Variants in HTT observed in about 807,000 individuals in gnomAD.
HTT encodes the protein huntingtin.
HTT carries 104 observed loss-of-function variants against 362.3 expected under a neutral mutation model. The ratio of observed to expected loss-of-function variants is 0.29; its 90% CI spans 0.24 to 0.34. HTT has a LOEUF of 0.34. Among genes scored for constraint, HTT ranks in the 10% least tolerant of loss-of-function variants. HTT has a pLI of 1.00. For synonymous variants in HTT, 1,577 were observed against 1,548.7 expected, an observed-to-expected ratio of 1.02 and a Z score of -0.43; for missense variants, 3,301 against 3,928.6, an observed-to-expected ratio of 0.84 and a Z score of 4.27.
chr4:3,117,484 A>G (rs1715086980), intron 8 of HTT, among the ~76,000 whole-genome samples: 1 of 152,046 alleles, frequency 6.6e-6, no homozygotes, highest in Non-Finnish European at 1.5e-5. Flanking sequence ...CTCTTATTTC[A>G]TCTATAAGTA....
chr4:3,217,826 G>A lies in HTT; in HGVS notation c.7116G>A (p.Ser2372=), dbSNP rs377176195. ...MVAEMVESLQ[S]VLALGHKRNS... ...CAGAAATGGTGGAGTCTCTGCAGTC[G>A]GTGTTGGCCTTGGGTCATAAAAGGA... The change falls in exon 52 of 67, where the codon TCG becomes TCA. Residue 2372 remains serine (S), a synonymous_variant. Coordinates refer to ENST00000355072, the MANE Select transcript of HTT (RefSeq NM_001388492.1). 9.0e-5 allele frequency: 146 copies of A among 1,614,152 alleles called. No individual in the cohort carries two copies. Among genetic ancestry groups the A allele is most frequent in the South Asian group, 2.3e-4 (21 of 91,074 alleles).
intron 26 of HTT, among the ~76,000 whole-genome samples, chr4:3,148,917 G>A (rs1363624900): frequency 2.6e-5 from 4 of 151,770 alleles, no homozygotes; most frequent in African/African-American, 9.7e-5. Context: ...TGATTGTGCC[G>A]CTGCACTCCA....
chr4:3,112,300 A>G (rs563216914), intron 6 of HTT, among the ~76,000 whole-genome samples: 1 of 152,302 alleles, frequency 6.6e-6, no homozygotes, highest in African/African-American at 2.4e-5. Flanking sequence ...CATACCATAC[A>G]GGACAGAAAT....
chr4:3,235,882 A>G (rs1468571131), intron 63 of HTT, 104 bp downstream of exon 63: 5 of 929,810 alleles, frequency 5.4e-6, no homozygotes, highest in Non-Finnish European at 8.3e-6. Context: ...CTGATTTCAC[A>G]CTTCTGGTGT....
chr4:3,135,813 G>A, intron 19 of HTT, 91 bp from the exon 20 acceptor site: 1 of 915,028 alleles, frequency 1.1e-6, no homozygotes, highest in Non-Finnish European at 1.6e-6. Flanking sequence ...TCCTTCCAGG[G>A]CACCTGGATG....
chr4:3,156,922 A>T (rs1450908282), intron 27 of HTT, 150 bp from the exon 28 acceptor site: 4 of 608,700 alleles, frequency 6.6e-6, no homozygotes, highest in Non-Finnish European at 1.1e-5. Flanking sequence ...TCAATTTCTC[A>T]TTACTTCTAG....
In HTT at chr4:3,136,473, G is replaced by GA. The variant is rs369081036; in HGVS notation, c.2798+156dup. 3,073 of 413,532 alleles carry GA rather than the reference G, an allele frequency of 7.4e-3. 61 individuals are homozygous for GA. Among genetic ancestry groups the GA allele is most frequent in the African/African-American group, 0.054 (2,590 of 47,686 alleles). 25.6% of individuals were successfully genotyped at this position (413,532 alleles called of 1,614,324 possible). ...AGCCATTCTATTCTTAAACTATAAT[G>GA]AAAAAAAAATCCAAAAAAGTCTAAA... On this transcript the variant is annotated intron_variant, in intron 21 of 66. Transcript: ENST00000355072.
At chr4:3,235,886 C>T in intron 63 of HTT, 108 bp downstream of exon 63, 1 of 899,812 alleles carries the variant, frequency 1.1e-6, no homozygotes, top group Non-Finnish European at 1.7e-6. Flanking sequence ...TTTCACACTT[C>T]TGGTGTTGCC....
At chr4:3,094,104 G>A (rs981281720) in intron 2 of HTT, among the ~76,000 whole-genome samples, 3 of 151,486 alleles carry the variant, frequency 2.0e-5, no homozygotes, top group Non-Finnish European at 4.4e-5. Context: ...TTGAGATTAG[G>A]GAGTGGTGAT....
rs534028601 is a variant in HTT at position 3,116,920 on chromosome 4, G to T, written c.1068+657G>T. On this transcript the variant is annotated intron_variant, in intron 8 of 66. Transcript: ENST00000355072. ...GAACTTTACTTAAAATGTTATGTCA[G>T]GGTTTTTATTGTGCTTAATGTGTGC... Among the ~76,000 whole-genome samples, 3 of 152,290 alleles carry T rather than the reference G, an allele frequency of 2.0e-5. No homozygotes were observed. The South Asian group carries it at 6.2e-4, about 32-fold the overall frequency.
At position 3,130,422 on chromosome 4, in the gene HTT, A is replaced by G; in HGVS notation, c.1985A>G (p.Lys662Arg). Reference sequence around the variant, plus strand: ...ACTGAACCGGGTGATCAAGAAAACAAGGTGAGGGACATAGGCTTGAGACGA... The same window carrying G: ...ACTGAACCGGGTGATCAAGAAAACAGGGTGAGGGACATAGGCTTGAGACGA... ...EATEPGDQEN[K>R]PCRIKGDIGQ... The change falls in exon 14 of 67, where the codon AAG (lysine) becomes AGG (arginine). Residue 662 changes from lysine (K) to arginine (R), a missense_variant and splice_region_variant. Lys to Arg is a conservative substitution (Grantham distance 26, BLOSUM62 2). Coordinates refer to ENST00000355072, the MANE Select transcript of HTT (RefSeq NM_001388492.1). 6.4e-7 allele frequency: 1 copy of G among 1,552,210 alleles called. No homozygotes were observed. Among genetic ancestry groups the G allele is most frequent in the Non-Finnish European group, 8.9e-7 (1 of 1,129,464 alleles).
At chr4:3,144,884 T>G (rs1193053948) in intron 23 of HTT, among the ~76,000 whole-genome samples, 1 of 152,156 alleles carries the variant, frequency 6.6e-6, no homozygotes, top group Non-Finnish European at 1.5e-5. Flanking sequence ...CAGGGGCAGT[T>G]GAGAGGCGGA....
intron 23 of HTT, among the ~76,000 whole-genome samples, chr4:3,144,123 A>G (rs926273047): frequency 6.6e-6 from 1 of 152,220 alleles, no homozygotes; most frequent in Non-Finnish European, 1.5e-5. Context: ...GTTAAGAAAA[A>G]TAATATTTAC....
intron 10 of HTT, 85 bp downstream of exon 10, chr4:3,123,021 G>T (rs566482045): frequency 1.9e-5 from 20 of 1,073,484 alleles, no homozygotes; most frequent in African/African-American, 1.7e-4. Flanking sequence ...TGTATTTCTT[G>T]TAATACTGTA....
In HTT at chr4:3,177,958, C is replaced by A. The variant is rs1325065780; in HGVS notation, c.4464-340C>A. Among the ~76,000 whole-genome samples the A allele has an allele frequency of 2.0e-5, 3 of 152,164 alleles. No homozygotes were observed. In the East Asian group the frequency reaches 5.8e-4, roughly 29 times the overall value. ...AGTGTTTATTCTAATTACATGACAC[C>A]TCCACTGTGTTTTGGGGCAAGTTAC... On this transcript the variant is annotated intron_variant, in intron 34 of 66. Transcript: ENST00000355072.
intron 42 of HTT, among the ~76,000 whole-genome samples, chr4:3,204,418 C>G (rs1719749317): frequency 1.3e-5 from 2 of 152,308 alleles, no homozygotes; most frequent in Admixed American, 6.5e-5. Context: ...TGGCTCACGC[C>G]TACATGATGC....
At position 3,224,938 on chromosome 4, in the gene HTT, A is replaced by C. The variant is rs565152402; in HGVS notation, c.7766-723A>C. Among the ~76,000 whole-genome samples, 3 of 152,274 alleles carry C rather than the reference A, an allele frequency of 2.0e-5. No homozygotes were observed. In the East Asian group the frequency reaches 5.8e-4, roughly 29 times the overall value. ...TGACCTGTCATAGAAGGCAGAAAAG[A>C]GGGGCACAGAGGTGGGTGGGAGGCA... On this transcript the variant is annotated intron_variant, in intron 56 of 66. Transcript: ENST00000355072.
rs753547029 is a variant in HTT, at chr4:3,225,775, G to T, written c.7848+32G>T. 16 of 1,543,282 alleles carry T rather than the reference G, an allele frequency of 1.0e-5. No individual in the cohort carries two copies. The African/African-American group carries it at 2.2e-4, about 21-fold the overall frequency. On this transcript the variant is annotated intron_variant, in intron 57 of 66. Coordinates refer to ENST00000355072, the MANE Select transcript of HTT (RefSeq NM_001388492.1). ...CTCGCGCCCCCGCCGCCTGGCCTCTGTCCGTTTCTGTCCTCAGACTTTGGC... is the reference window on the plus strand; with the variant it reads ...CTCGCGCCCCCGCCGCCTGGCCTCTTTCCGTTTCTGTCCTCAGACTTTGGC...
intron 10 of HTT, among the ~76,000 whole-genome samples, chr4:3,125,044 A>G (rs993376424): frequency 2.0e-5 from 3 of 152,212 alleles, no homozygotes; most frequent in African/African-American, 7.2e-5. Flanking sequence ...TCATCCTTCC[A>G]GATCATATAA....
Sources: gnomAD v4.1 joint callset for allele counts (sites outside exome capture counted in the v4.1 genomes callset) on GRCh38, gnomAD v4.1.1 for gene constraint, MANE v1.5 for transcripts, NCBI Gene and HGNC (gene_info 2026-07-23, HGNC 2026-07-21) for gene names.